ARSB: variants seen among roughly 807,000 people sequenced by gnomAD.
ARSB encodes the protein N-acetylgalactosamine-4-sulfatase.
ARSB carries 41 observed loss-of-function variants against 50.9 expected under a neutral mutation model. The ratio of observed to expected loss-of-function variants is 0.81; its 90% CI spans 0.63 to 1.04. The LOEUF is 1.04. Ranked by LOEUF, ARSB falls within the 50% of genes least tolerant of loss-of-function variation. ARSB has a pLI of 0.00. For synonymous variants in ARSB, 269 were observed against 284.8 expected, an observed-to-expected ratio of 0.94 and a Z score of 0.56; for missense variants, 672 against 693.3, an observed-to-expected ratio of 0.97 and a Z score of 0.35.
chr5:78,894,666 T>C (rs1469818102), intron 4 of ARSB, among the ~76,000 whole-genome samples: 2 of 152,220 alleles, frequency 1.3e-5, no homozygotes, highest in Admixed American at 6.5e-5. Flanking sequence ...AATAACTCAA[T>C]ATATCCAAAC....
intron 5 of ARSB, among the ~76,000 whole-genome samples, chr5:78,866,438 G>A (rs1387560084): frequency 6.6e-6 from 1 of 152,178 alleles, no homozygotes; most frequent in Non-Finnish European, 1.5e-5. Flanking sequence ...TTCAAGATGA[G>A]ATTTGGGTGG....
chr5:78,946,349 T>G (rs1463409377), intron 4 of ARSB, among the ~76,000 whole-genome samples: 1 of 152,142 alleles, frequency 6.6e-6, no homozygotes, highest in Non-Finnish European at 1.5e-5. Flanking sequence ...GAAAAACCTA[T>G]AGCCTCCACA....
chr5:78,877,510 TC>T (rs1240811082), intron 5 of ARSB, among the ~76,000 whole-genome samples: 32 of 152,112 alleles, frequency 2.1e-4, no homozygotes, highest in Admixed American at 1.6e-3. Context: ...TGCCTCAGCC[TC>T]CCTAGTAGCT....
At chr5:78,801,386 A>G (rs909032952) in intron 6 of ARSB, among the ~76,000 whole-genome samples, 1 of 152,222 alleles carries the variant, frequency 6.6e-6, no homozygotes, top group Non-Finnish European at 1.5e-5. Context: ...TGGTCAAGTA[A>G]GTCTAGACGA....
intron 6 of ARSB, among the ~76,000 whole-genome samples, chr5:78,792,236 A>G (rs1446762048): frequency 1.3e-5 from 2 of 151,992 alleles, no homozygotes; most frequent in Non-Finnish European, 2.9e-5. Flanking sequence ...AAAATTAGCC[A>G]GGTGTGACGG....
At chr5:78,847,908 G>A (rs1470389123) in intron 5 of ARSB, among the ~76,000 whole-genome samples, 1 of 151,934 alleles carries the variant, frequency 6.6e-6, no homozygotes, top group African/African-American at 2.4e-5. Context: ...CAGTTGCAAT[G>A]TCTCCTTTTT....
At chr5:78,959,340 C>CTT (rs34955466) in intron 3 of ARSB, among the ~76,000 whole-genome samples, 1 of 147,272 alleles carries the variant, frequency 6.8e-6, no homozygotes, top group African/African-American at 2.5e-5. Context: ...TCTCAGGCAG[C>CTT]TTTTTTTTTT....
At chr5:78,892,316 T>A (rs1220682461) in intron 4 of ARSB, among the ~76,000 whole-genome samples, 6 of 142,908 alleles carry the variant, frequency 4.2e-5, no homozygotes, top group African/African-American at 1.6e-4. Flanking sequence ...AGTACAGTGG[T>A]GCAATCTTGG....
At chr5:78,835,141 T>A (rs1045263377) in intron 6 of ARSB, among the ~76,000 whole-genome samples, 1 of 152,128 alleles carries the variant, frequency 6.6e-6, no homozygotes, top group Non-Finnish European at 1.5e-5. Flanking sequence ...TGTGCATGTT[T>A]CTCTATGAAT....
chr5:78,927,854 C>T (rs1428968735), intron 4 of ARSB, among the ~76,000 whole-genome samples: 1 of 152,088 alleles, frequency 6.6e-6, no homozygotes, highest in Admixed American at 6.5e-5. Flanking sequence ...AGCAGGGGGC[C>T]AGAAAAAGCT....
intron 5 of ARSB, among the ~76,000 whole-genome samples, chr5:78,848,668 T>C (rs1366319601): frequency 2.6e-5 from 4 of 152,196 alleles, no homozygotes; most frequent in African/African-American, 9.7e-5. Flanking sequence ...ATGGTTGAAC[T>C]AGTTTACAGT....
At chr5:78,977,338 G>C (rs1235326659) in intron 1 of ARSB, among the ~76,000 whole-genome samples, 2 of 152,138 alleles carry the variant, frequency 1.3e-5, no homozygotes, top group Non-Finnish European at 2.9e-5. Context: ...ATTTTTAGTA[G>C]AGACAGGGTT....
chr5:78,841,316 T>C (rs1348158561), intron 5 of ARSB, among the ~76,000 whole-genome samples: 1 of 152,042 alleles, frequency 6.6e-6, no homozygotes, highest in East Asian at 1.9e-4. Flanking sequence ...GATGACAAAG[T>C]GAGACTCTGT....
At chr5:78,786,189 C>T (rs1749076539) in intron 6 of ARSB, among the ~76,000 whole-genome samples, 1 of 152,186 alleles carries the variant, frequency 6.6e-6, no homozygotes, top group African/African-American at 2.4e-5. Flanking sequence ...CAACCCTTAA[C>T]CCACTTTGTG....
intron 6 of ARSB, among the ~76,000 whole-genome samples, chr5:78,836,890 G>A (rs780861925): frequency 1.3e-5 from 2 of 152,188 alleles, no homozygotes; most frequent in Non-Finnish European, 2.9e-5. Context: ...AGAAGGTGAA[G>A]AGGAGGCAGG....
intron 4 of ARSB, among the ~76,000 whole-genome samples, chr5:78,953,138 T>A (rs184227572): frequency 6.6e-6 from 1 of 152,350 alleles, no homozygotes; most frequent in Admixed American, 6.5e-5. Flanking sequence ...CAGGACATAC[T>A]TAGAAAATTA....
intron 6 of ARSB, chr5:78,783,555 T>C (rs1748986323): frequency 6.6e-6 from 1 of 152,114 alleles, no homozygotes; most frequent in Non-Finnish European, 1.5e-5. Flanking sequence ...TGCGGATATT[T>C]TGGCTCCAAT....
chr5:78,853,880 C>T (rs1745996343), intron 5 of ARSB, among the ~76,000 whole-genome samples: 1 of 152,362 alleles, frequency 6.6e-6, no homozygotes, highest in East Asian at 1.9e-4. Flanking sequence ...GGGATATAAT[C>T]TCCTAGTGTG....
At chr5:78,904,762 A>C (rs1748968055) in intron 4 of ARSB, among the ~76,000 whole-genome samples, 1 of 140,758 alleles carries the variant, frequency 7.1e-6, no homozygotes, top group Non-Finnish European at 1.5e-5. Context: ...ATCTCAGCTC[A>C]CTGCAACCTC....
Sources: allele counts gnomAD v4.1 joint callset (sites outside exome capture counted in the v4.1 genomes callset), GRCh38; gene constraint gnomAD v4.1.1; transcripts MANE v1.5; gene names NCBI Gene and HGNC (gene_info 2026-07-23, HGNC 2026-07-21).